The following PPARA variants were observed in gnomAD, a reference collection of about 807,000 sequenced individuals.
The protein encoded by PPARA is peroxisome proliferator activated receptor alpha.
Under a neutral mutation model 42.2 loss-of-function variants are expected in PPARA, and 22 were observed. The ratio of observed to expected loss-of-function variants is 0.52; its 90% CI spans 0.37 to 0.74. The LOEUF (loss-of-function observed/expected upper bound fraction) is 0.74, where lower values mean the gene tolerates loss of function less well. PPARA is among the 30% of genes least tolerant of loss of function. The pLI is 0.00. For missense variants in PPARA, 465 were observed against 608.2 expected (o/e 0.76, Z 2.48); for synonymous variants, 242 against 239.3 (o/e 1.01, Z -0.10).
chr22:46,196,634 C>A lies in PPARA; in HGVS notation c.-42-1708C>A, dbSNP rs562238469. Among the ~76,000 whole-genome samples, 40 of 152,252 alleles carry A rather than the reference C, an allele frequency of 2.6e-4. No homozygotes were observed. The highest frequency in any genetic ancestry group is 4.6e-4 in the Admixed American group (7 of 15,286). ...GCCTTCCCTGGCCTCACCCCGGACA[C>A]TCCACACGTGCATTCATTTCGTTGT... is the stretch of plus-strand genomic sequence containing the variant. On this transcript the variant is annotated intron_variant, in intron 3 of 8. Transcript: ENST00000407236. This position sits in a 1 kb window ranked among gnomAD's most constrained non-coding sequence, Gnocchi z 5.6.
At chr22:46,214,015 A>C (rs1211360743) in intron 4 of PPARA, among the ~76,000 whole-genome samples, 1 of 152,228 alleles carries the variant, frequency 6.6e-6, no homozygotes, top group Non-Finnish European at 1.5e-5. Flanking sequence ...GCAGAGCAGA[A>C]GGTTTCATTA....
Position 46,235,724 on chromosome 22 carries a change from A to C in PPARA, c.*344A>C. 2.9e-6 allele frequency: 1 copy of C among 339,528 alleles called. No individual in the cohort carries two copies. Among genetic ancestry groups the C allele is most frequent in the South Asian group, 2.7e-5 (1 of 36,386 alleles). 21.0% of individuals were successfully genotyped at this position (339,528 alleles called of 1,614,324 possible). On this transcript the variant is annotated 3_prime_UTR_variant, in exon 9 of 9. Transcript: ENST00000407236. This position sits in a 1 kb window ranked among gnomAD's most constrained non-coding sequence, Gnocchi z 7.0. The stretch of plus-strand genomic sequence containing the variant: ...CCATTTAATTAACTGGTAACCTCAA[A>C]ATTCGTGGCCTGTCTTCCCATTCAC...
At chr22:46,153,501 C>T (rs1045349455) in intron 2 of PPARA, among the ~76,000 whole-genome samples, 4 of 152,038 alleles carry the variant, frequency 2.6e-5, no homozygotes, top group Admixed American at 6.6e-5. Context: ...AAGTAGGAGA[C>T]GTGTCATAAT....
At chr22:46,201,363 C>T (rs755743841) in intron 4 of PPARA, among the ~76,000 whole-genome samples, 1 of 152,112 alleles carries the variant, frequency 6.6e-6, no homozygotes, top group Non-Finnish European at 1.5e-5. Flanking sequence ...TTGGGAGTGA[C>T]CCTGACAGAC....
At position 46,235,353 on chromosome 22, in the gene PPARA, GC is replaced by G. The variant is rs778196400; in HGVS notation, c.1381del (p.Gln461ArgfsTer53). 1.2e-6 allele frequency: 2 copies of G among 1,613,708 alleles called. No individual in the cohort carries two copies. Among genetic ancestry groups the G allele is most frequent in the Non-Finnish European group, 1.7e-6 (2 of 1,179,942 alleles). ...CGGATGCTGCGCTGCACCCGCTACTGCAGGAGATCTACAGGGACATGTACTG... is the reference window on the plus strand; with the variant it reads ...CGGATGCTGCGCTGCACCCGCTACTGAGGAGATCTACAGGGACATGTACTG... ...ESDAALHPLL[Q>X]EIYRDMY is the part of the protein sequence containing the mutation. On this transcript the variant is annotated frameshift_variant, in exon 9 of 9. Coordinates refer to ENST00000407236, the MANE Select transcript of PPARA (RefSeq NM_005036.6). LOFTEE classifies it high-confidence loss of function. The surrounding 1 kb of genome is among the most constrained non-coding windows in gnomAD (Gnocchi z 7.0).
rs1933075793 is a variant in PPARA, at chr22:46,204,904, A to G, written c.208+6313A>G. On this transcript the variant is annotated intron_variant, in intron 4 of 8. Transcript: ENST00000407236. This position sits in a 1 kb window ranked among gnomAD's most constrained non-coding sequence, Gnocchi z 5.2. ...TGTTTTTGAGATAGGGTCTCAATCT[A>G]TTGCCCAGGCTAGAGTGCAGTGGTG... Among the ~76,000 whole-genome samples the G allele has an allele frequency of 6.6e-6, 1 of 151,668 alleles. No homozygotes were observed. Among genetic ancestry groups the G allele is most frequent in the Non-Finnish European group, 1.5e-5 (1 of 67,950 alleles).
rs1935763590 is a variant in PPARA at position 46,230,100 on chromosome 22, G to A, written c.712-1692G>A. On this transcript the variant is annotated intron_variant, in intron 7 of 8. Coordinates refer to ENST00000407236, the MANE Select transcript of PPARA (RefSeq NM_005036.6). The surrounding 1 kb of genome is among the most constrained non-coding windows in gnomAD (Gnocchi z 5.0). The stretch of plus-strand genomic sequence containing the variant: ...AGAAATAACGCTGTAGGCCGGGCGC[G>A]GTGGCTCACCCCTGTAATCCCAGCA... 5.3e-5 allele frequency among the ~76,000 whole-genome samples: 8 copies of A among 152,188 alleles called. No individual in the cohort carries two copies. In the South Asian group the frequency reaches 8.3e-4, roughly 16 times the overall value.
rs565673394 is a variant in PPARA at position 46,237,577 on chromosome 22, G to A, written c.*2197G>A. 1.3e-5 allele frequency: 2 copies of A among 148,912 alleles called. No homozygotes were observed. Among genetic ancestry groups the A allele is most frequent in the Admixed American group, 1.3e-4 (2 of 14,904 alleles). 9.2% of individuals were successfully genotyped at this position (148,912 alleles called of 1,614,324 possible). ...CTCACCACTGCATTCCAGCCTGGGT[G>A]ACAGAGTTAGATTCCACCCTCTCCC... On this transcript the variant is annotated 3_prime_UTR_variant, in exon 9 of 9. Transcript: ENST00000407236. This position sits in a 1 kb window ranked among gnomAD's most constrained non-coding sequence, Gnocchi z 6.7.
chr22:46,195,760 G>A lies in PPARA; in HGVS notation c.-42-2582G>A, dbSNP rs1028760088. On this transcript the variant is annotated intron_variant, in intron 3 of 8. Coordinates refer to ENST00000407236, the MANE Select transcript of PPARA (RefSeq NM_005036.6). This position sits in a 1 kb window ranked among gnomAD's most constrained non-coding sequence, Gnocchi z 4.6. ...GAGTCTGGCGTTCCGTAATCACCAT[G>A]TGATGACGGCTGCCCTGACAGTGGC... Among the ~76,000 whole-genome samples, 8 of 152,170 alleles carry A rather than the reference G, an allele frequency of 5.3e-5. No homozygotes were observed. The highest frequency in any genetic ancestry group is 1.9e-4 in the African/African-American group (8 of 41,438).
chr22:46,208,669 AC>A (rs1445941165), intron 4 of PPARA, among the ~76,000 whole-genome samples: 1 of 152,076 alleles, frequency 6.6e-6, no homozygotes, highest in Admixed American at 6.6e-5. Flanking sequence ...TCTAACTAAA[AC>A]TTTTTTCCTT....
chr22:46,172,865 A>T (rs1343819801), intron 2 of PPARA, among the ~76,000 whole-genome samples: 2 of 152,338 alleles, frequency 1.3e-5, no homozygotes, highest in South Asian at 4.1e-4. Context: ...GGACAATCCC[A>T]TAGTCAGTTA....
chr22:46,207,528 C>G (rs1177512230), intron 4 of PPARA, among the ~76,000 whole-genome samples: 1 of 150,232 alleles, frequency 6.7e-6, no homozygotes, highest in East Asian at 2.0e-4. Flanking sequence ...CATGATCCGC[C>G]CACCTCGGCC....
chr22:46,163,885 CATGGAGGTGGGTTTGAGGGTTTG>C lies in PPARA; in HGVS notation c.-127+11916_-127+11938del. ...TCTATTAATTCCCAAGAAACCAGGC[CATGGAGGTGGGTTTGAGGGTTTG>C]TATTGGTGTTTTTTAAAGTCAGGTT... is the stretch of plus-strand genomic sequence containing the variant. On this transcript the variant is annotated intron_variant, in intron 2 of 8. Transcript: ENST00000407236. This position sits in a 1 kb window ranked among gnomAD's most constrained non-coding sequence, Gnocchi z 4.9. The C allele has an allele frequency of 6.6e-6, 1 of 152,246 alleles. No individual in the cohort carries two copies. Among genetic ancestry groups the C allele is most frequent in the Non-Finnish European group, 1.5e-5 (1 of 68,118 alleles). 9.4% of individuals were successfully genotyped at this position (152,246 alleles called of 1,614,324 possible). A position where few individuals can be genotyped will look rare whatever the true frequency, so the allele number is the denominator to read the frequency against.
rs1216894210 is a variant in PPARA at position 46,161,045 on chromosome 22, A to C, written c.-127+9075A>C. Among the ~76,000 whole-genome samples the C allele has an allele frequency of 6.6e-6, 1 of 152,234 alleles. No homozygotes were observed. The highest frequency in any genetic ancestry group is 1.5e-5 in the Non-Finnish European group (1 of 68,042). ...TGAATATTTAACCACACTCAAGCAC[A>C]GCTGATGATCTTTAATACTAATAGA... is the stretch of plus-strand genomic sequence containing the variant. On this transcript the variant is annotated intron_variant, in intron 2 of 8. Transcript: ENST00000407236. This position sits in a 1 kb window ranked among gnomAD's most constrained non-coding sequence, Gnocchi z 4.8.
At position 46,238,895 on chromosome 22, in the gene PPARA, G is replaced by A. The variant is rs2147738337; in HGVS notation, c.*3515G>A. On this transcript the variant is annotated 3_prime_UTR_variant, in exon 9 of 9. Coordinates refer to ENST00000407236, the MANE Select transcript of PPARA (RefSeq NM_005036.6). The surrounding 1 kb of genome is among the most constrained non-coding windows in gnomAD (Gnocchi z 8.3). Reference sequence around the variant, plus strand: ...GATGCTTCCAGTTACAGCGGCAGGAGCGGGACTGGGAGCACGGGCTGACGG... The same window carrying A: ...GATGCTTCCAGTTACAGCGGCAGGAACGGGACTGGGAGCACGGGCTGACGG... 1.3e-5 allele frequency: 2 copies of A among 152,560 alleles called. No individual in the cohort carries two copies. Among genetic ancestry groups the A allele is most frequent in the African/African-American group, 4.8e-5 (2 of 41,596 alleles). 9.5% of individuals were successfully genotyped at this position (152,560 alleles called of 1,614,324 possible).
intron 3 of PPARA, among the ~76,000 whole-genome samples, chr22:46,178,088 T>C (rs1389964372): frequency 6.6e-6 from 1 of 152,190 alleles, no homozygotes; most frequent in Non-Finnish European, 1.5e-5. Context: ...CTCAGGCACC[T>C]ACCCAAAGAG....
chr22:46,203,914 G>A lies in PPARA; in HGVS notation c.208+5323G>A, dbSNP rs1288594834. On this transcript the variant is annotated intron_variant, in intron 4 of 8. Coordinates refer to ENST00000407236, the MANE Select transcript of PPARA (RefSeq NM_005036.6). This position sits in a 1 kb window ranked among gnomAD's most constrained non-coding sequence, Gnocchi z 5.8. ...GGCAGGTTGCAGATTCTCTGGGGACGCCCCCCTTCTCTGCCTCCTGCATCT... is the reference window on the plus strand; with the variant it reads ...GGCAGGTTGCAGATTCTCTGGGGACACCCCCCTTCTCTGCCTCCTGCATCT... 6.6e-6 allele frequency among the ~76,000 whole-genome samples: 1 copy of A among 152,224 alleles called. No homozygotes were observed. Among genetic ancestry groups the A allele is most frequent in the East Asian group, 1.9e-4 (1 of 5,202 alleles).
chr22:46,198,333 T>G lies in PPARA; in HGVS notation c.-42-9T>G. On this transcript the variant is annotated splice_polypyrimidine_tract_variant and intron_variant, in intron 3 of 8. Transcript: ENST00000407236. Reference sequence around the variant, plus strand: ...GTCAGTCTTACCAATTGTTCCTCTTTCCTCCCAGTAGCTTGGAGCTCGGCG... The same window carrying G: ...GTCAGTCTTACCAATTGTTCCTCTTGCCTCCCAGTAGCTTGGAGCTCGGCG... The G allele has an allele frequency of 2.0e-6, 3 of 1,518,040 alleles. No homozygotes were observed. The highest frequency in any genetic ancestry group is 2.7e-6 in the Non-Finnish European group (3 of 1,093,912). The allele number at this position is 1,518,040 out of a possible 1,614,324, so 94.0% of individuals were successfully genotyped here.
In PPARA at chr22:46,192,179, A is replaced by G. The variant is rs763453747; in HGVS notation, c.-42-6163A>G. On this transcript the variant is annotated intron_variant, in intron 3 of 8. Transcript: ENST00000407236. The surrounding 1 kb of genome is among the most constrained non-coding windows in gnomAD (Gnocchi z 4.3). ...TGTTCCCTAGCCTCACAAAGCATAC[A>G]GTCTAGTAGGAGAGACAGACACGTA... Among the ~76,000 whole-genome samples the G allele has an allele frequency of 1.3e-4, 20 of 152,254 alleles. No individual in the cohort carries two copies. Among genetic ancestry groups the G allele is most frequent in the Non-Finnish European group, 2.2e-4 (15 of 68,030 alleles).
Sources: allele counts gnomAD v4.1 joint callset (sites outside exome capture counted in the v4.1 genomes callset), GRCh38; gene constraint gnomAD v4.1.1; non-coding constraint Gnocchi (gnomAD v3.1); transcripts MANE v1.5; gene names NCBI Gene and HGNC (gene_info 2026-07-23, HGNC 2026-07-21).